Variants in ADAMTS3 observed in about 807,000 individuals in gnomAD.
The protein encoded by ADAMTS3 is ADAM metallopeptidase with thrombospondin type 1 motif 3.
ADAMTS3 carries 73 observed loss-of-function variants against 129.0 expected under a neutral mutation model. The observed-to-expected ratio is 0.57, with a 90% CI of 0.47 to 0.69. ADAMTS3 has a LOEUF of 0.69. ADAMTS3 is among the 30% of genes least tolerant of loss of function. ADAMTS3 has a pLI of 0.00. For missense variants in ADAMTS3, 1,457 were observed against 1,514.5 expected, an observed-to-expected ratio of 0.96 and a Z score of 0.63; for synonymous variants, 477 against 510.8, an observed-to-expected ratio of 0.93 and a Z score of 0.89.
At chr4:72,323,169 G>T in intron 5 of ADAMTS3, 72 bp from the exon 6 acceptor site, 1 of 1,160,508 alleles carries the variant, frequency 8.6e-7, no homozygotes. Context: ...CATATAAGCT[G>T]TGTAATCACC....
At chr4:72,318,112 G>T (rs1253272016) in intron 10 of ADAMTS3, among the ~76,000 whole-genome samples, 2 of 151,640 alleles carry the variant, frequency 1.3e-5, no homozygotes, top group African/African-American at 4.9e-5. Context: ...TCTTTTACTA[G>T]ACTATACCAG....
chr4:72,331,797 T>C (rs1301664861), intron 5 of ADAMTS3, among the ~76,000 whole-genome samples: 2 of 152,194 alleles, frequency 1.3e-5, no homozygotes, highest in Non-Finnish European at 2.9e-5. Flanking sequence ...TCAAATGACA[T>C]GTCGTCTTAG....
chr4:72,393,684 C>T (rs180951896), intron 4 of ADAMTS3, among the ~76,000 whole-genome samples: 2 of 151,978 alleles, frequency 1.3e-5, no homozygotes, highest in Admixed American at 1.3e-4. Context: ...AAAGTCACAA[C>T]CAGGAAAATA....
At chr4:72,388,082 C>T (rs186815110) in intron 4 of ADAMTS3, among the ~76,000 whole-genome samples, 132 of 152,288 alleles carry the variant, frequency 8.7e-4, no homozygotes, top group African/African-American at 3.1e-3. Flanking sequence ...AAAAACTCTT[C>T]CATTAGCATA....
intron 4 of ADAMTS3, among the ~76,000 whole-genome samples, chr4:72,403,041 C>T (rs1435165721): frequency 2.0e-5 from 3 of 152,108 alleles, no homozygotes; most frequent in Non-Finnish European, 4.4e-5. Context: ...ATTAGTTTCT[C>T]TGCTGTATAA....
At chr4:72,292,642 G>C (rs1443118839) in intron 19 of ADAMTS3, among the ~76,000 whole-genome samples, 5 of 152,186 alleles carry the variant, frequency 3.3e-5, no homozygotes, top group African/African-American at 1.2e-4. Context: ...TGGTTACCAA[G>C]TCCCAAAGGG....
intron 4 of ADAMTS3, among the ~76,000 whole-genome samples, chr4:72,393,841 C>A (rs1190616969): frequency 6.6e-6 from 1 of 152,164 alleles, no homozygotes; most frequent in African/African-American, 2.4e-5. Context: ...GCATCTATAA[C>A]TAGATTAAAT....
At chr4:72,297,343 T>C (rs1718836289) in intron 18 of ADAMTS3, among the ~76,000 whole-genome samples, 2 of 152,128 alleles carry the variant, frequency 1.3e-5, no homozygotes, top group African/African-American at 2.4e-5. Context: ...TAAATAAGCA[T>C]CTTGTAATGG....
intron 15 of ADAMTS3, 112 bp from the exon 16 acceptor site, chr4:72,306,179 TA>T: frequency 1.5e-6 from 1 of 683,412 alleles, no homozygotes; most frequent in Non-Finnish European, 2.3e-6. Flanking sequence ...AGGGCATCCA[TA>T]AATTTAAAGA....
Position 72,365,605 on chromosome 4 carries a change from T to C in ADAMTS3, c.662-25912A>G, listed in dbSNP as rs530242507. Reference sequence around the variant, plus strand: ...CTGTACACATCATGAATATCATAAATTGGTATATTTATAACATCAATTTTC... The same window carrying C: ...CTGTACACATCATGAATATCATAAACTGGTATATTTATAACATCAATTTTC... On this transcript the variant is annotated intron_variant, in intron 4 of 21. Coordinates refer to ENST00000286657, the MANE Select transcript of ADAMTS3 (RefSeq NM_014243.3). Among the ~76,000 whole-genome samples, 15 of 152,290 alleles carry C rather than the reference T, an allele frequency of 9.8e-5. 1 individual carries two copies. The South Asian group carries it at 3.1e-3, about 32-fold the overall frequency.
At chr4:72,497,362 T>C (rs1166573976) in intron 3 of ADAMTS3, among the ~76,000 whole-genome samples, 1 of 151,984 alleles carries the variant, frequency 6.6e-6, no homozygotes, top group Non-Finnish European at 1.5e-5. Flanking sequence ...CATTATTTTC[T>C]ATTTTAATAT....
chr4:72,400,407 C>T (rs1427558088), intron 4 of ADAMTS3, among the ~76,000 whole-genome samples: 1 of 88,656 alleles, frequency 1.1e-5, no homozygotes, highest in African/African-American at 4.6e-5. Context: ...GATATGCACA[C>T]GGTGTGTATA....
At position 72,437,612 on chromosome 4, in the gene ADAMTS3, A is replaced by G. The variant is rs535294416; in HGVS notation, c.505-22641T>C. 2.6e-5 allele frequency among the ~76,000 whole-genome samples: 4 copies of G among 151,810 alleles called. 1 individual carries two copies. The South Asian group carries it at 6.2e-4, about 24-fold the overall frequency. On this transcript the variant is annotated intron_variant, in intron 3 of 21. Coordinates refer to ENST00000286657, the MANE Select transcript of ADAMTS3 (RefSeq NM_014243.3). The stretch of plus-strand genomic sequence containing the variant: ...CTTTGCGAGGGTTGTGTTGTCAACA[A>G]TTTTCCCCAGTTCCAAAGCTTTCAG...
chr4:72,335,062 A>T (rs933139911), intron 5 of ADAMTS3, among the ~76,000 whole-genome samples: 8 of 152,154 alleles, frequency 5.3e-5, no homozygotes, highest in Non-Finnish European at 5.9e-5. Flanking sequence ...TTGACCCTTA[A>T]GCCCCAGAGA....
At chr4:72,367,911 C>G (rs2109863102) in intron 4 of ADAMTS3, among the ~76,000 whole-genome samples, 1 of 150,184 alleles carries the variant, frequency 6.7e-6, no homozygotes, top group East Asian at 2.0e-4. Context: ...TTTAAAATGT[C>G]AGGGTGATTG....
At chr4:72,376,734 T>C (rs758435707) in intron 4 of ADAMTS3, among the ~76,000 whole-genome samples, 1 of 152,176 alleles carries the variant, frequency 6.6e-6, no homozygotes. Context: ...AAGTGAGACA[T>C]TACTGTCTCC....
chr4:72,492,367 T>C (rs552409509), intron 3 of ADAMTS3, among the ~76,000 whole-genome samples: 1 of 151,654 alleles, frequency 6.6e-6, no homozygotes, highest in East Asian at 1.9e-4. Context: ...AATATAGGCA[T>C]TTATACCTAC....
intron 3 of ADAMTS3, among the ~76,000 whole-genome samples, chr4:72,510,656 G>C (rs1360163722): frequency 6.6e-6 from 1 of 151,748 alleles, no homozygotes; most frequent in African/African-American, 2.4e-5. Context: ...TGGATTTGAA[G>C]AATCAATATT....
chr4:72,382,474 A>G (rs185991145), intron 4 of ADAMTS3, among the ~76,000 whole-genome samples: 1 of 152,260 alleles, frequency 6.6e-6, no homozygotes, highest in East Asian at 1.9e-4. Flanking sequence ...GACAGTATAG[A>G]GATTTCTCAA....
Sources: allele counts gnomAD v4.1 joint callset (sites outside exome capture counted in the v4.1 genomes callset), GRCh38; gene constraint gnomAD v4.1.1; transcripts MANE v1.5; gene names NCBI Gene and HGNC (gene_info 2026-07-23, HGNC 2026-07-21).